The following SIK3 variants were observed in gnomAD, a reference collection of about 807,000 sequenced individuals.
SIK3 encodes the protein SIK family kinase 3.
Under a neutral mutation model 144.2 loss-of-function variants are expected in SIK3, and 28 were observed. The observed-to-expected ratio is 0.19, with a 90% CI of 0.14 to 0.27. SIK3 has a LOEUF of 0.27. Ranked by LOEUF, SIK3 falls within the 10% of genes least tolerant of loss-of-function variation. SIK3 has a pLI of 1.00. For missense variants in SIK3, 1,319 were observed against 1,776.0 expected (o/e 0.74, Z 4.62); for synonymous variants, 686 against 676.3 (o/e 1.01, Z -0.22).
intron 6 of SIK3, among the ~76,000 whole-genome samples, chr11:116,879,222 G>A (rs1275713739): frequency 1.3e-5 from 2 of 152,068 alleles, no homozygotes; most frequent in Non-Finnish European, 2.9e-5. Flanking sequence ...TAAATTTTCT[G>A]CTTCTATTTA....
chr11:116,953,050 A>G (rs1011773306), intron 3 of SIK3, among the ~76,000 whole-genome samples: 2 of 152,180 alleles, frequency 1.3e-5, no homozygotes, highest in Non-Finnish European at 2.9e-5. Flanking sequence ...TACCCTAAAG[A>G]TACTTTGACA....
intron 1 of SIK3, chr11:117,015,771 G>T (rs1268166307): frequency 1.3e-5 from 2 of 152,092 alleles, no homozygotes; most frequent in African/African-American, 4.8e-5. Context: ...GTTTCACCAT[G>T]TTGGCCAGGC....
intron 6 of SIK3, among the ~76,000 whole-genome samples, chr11:116,888,280 G>C (rs1276637128): frequency 6.6e-6 from 1 of 152,212 alleles, no homozygotes; most frequent in Non-Finnish European, 1.5e-5. Context: ...TTGTGCATAA[G>C]GAATTCTCTC....
rs1171038053 is a variant in SIK3 at position 116,977,278 on chromosome 11, G to A, written c.274-20214C>T. The stretch of plus-strand genomic sequence containing the variant: ...TTCCTTTTCATACAGACAGAGTCTC[G>A]TTATGTTGCCTGGAATGGTTTTGAA... On this transcript the variant is annotated intron_variant, in intron 1 of 24. Coordinates refer to ENST00000445177, the MANE Select transcript of SIK3 (RefSeq NM_001366686.3). Among the ~76,000 whole-genome samples the A allele has an allele frequency of 4.3e-5, 5 of 115,780 alleles. No individual in the cohort carries two copies. The South Asian group carries it at 1.1e-3, about 26-fold the overall frequency. The allele number at this position is 115,780 out of a possible 152,430, so 76.0% of individuals were successfully genotyped here. A position where few individuals can be genotyped will look rare whatever the true frequency, so the allele number is the denominator to read the frequency against.
intron 1 of SIK3, among the ~76,000 whole-genome samples, chr11:117,050,950 G>A (rs1953210247): frequency 6.6e-6 from 1 of 152,108 alleles, no homozygotes; most frequent in African/African-American, 2.4e-5. Flanking sequence ...TATGTGCCAA[G>A]TTGACTAAGC....
At position 116,846,070 on chromosome 11, in the gene SIK3, C is replaced by G. The variant is rs1184236342; in HGVS notation, c.*13+313G>C. On this transcript the variant is annotated intron_variant, in intron 24 of 24. Coordinates refer to ENST00000445177, the MANE Select transcript of SIK3 (RefSeq NM_001366686.3). This position sits in a 1 kb window ranked among gnomAD's most constrained non-coding sequence, Gnocchi z 4.1. ...GCTGACCGGAGGTCACCTGCATCCT[C>G]TGGAGCCGTAGCTCACTTCTGTCGC... 2.6e-5 allele frequency among the ~76,000 whole-genome samples: 4 copies of G among 152,226 alleles called. No individual in the cohort carries two copies. The highest frequency in any genetic ancestry group is 9.6e-5 in the African/African-American group (4 of 41,454).
intron 1 of SIK3, among the ~76,000 whole-genome samples, chr11:117,086,280 T>C (rs1955000349): frequency 6.6e-6 from 1 of 152,224 alleles, no homozygotes; most frequent in African/African-American, 2.4e-5. Flanking sequence ...TTCATATAAC[T>C]TTCTCCTTCA....
chr11:116,881,514 G>T (rs1476454617), intron 6 of SIK3, among the ~76,000 whole-genome samples: 1 of 152,108 alleles, frequency 6.6e-6, no homozygotes, highest in Admixed American at 6.6e-5. Flanking sequence ...GCCAGTGTGA[G>T]TCCGTATCTG....
intron 7 of SIK3, 25 bp downstream of exon 7, chr11:116,876,899 C>T (rs373857829): frequency 1.9e-6 from 3 of 1,587,016 alleles, no homozygotes; most frequent in African/African-American, 2.7e-5. Context: ...AGAGGAGTCC[C>T]CTGCAGCAGC....
intron 1 of SIK3, among the ~76,000 whole-genome samples, chr11:117,024,437 C>A (rs913555569): frequency 2.6e-5 from 4 of 151,902 alleles, no homozygotes; most frequent in African/African-American, 9.7e-5. Flanking sequence ...GCCACCTTAG[C>A]AAAGAAGAAT....
chr11:117,021,792 T>TA (rs1162693368), intron 1 of SIK3, among the ~76,000 whole-genome samples: 9 of 151,178 alleles, frequency 6.0e-5, no homozygotes, highest in Non-Finnish European at 8.8e-5. Flanking sequence ...ACGTCATCTC[T>TA]AAAAAAACAG....
chr11:116,999,746 T>G (rs980071141), intron 1 of SIK3, among the ~76,000 whole-genome samples: 1 of 152,174 alleles, frequency 6.6e-6, no homozygotes, highest in African/African-American at 2.4e-5. Context: ...GTTTTCTCCC[T>G]CTTCTAAACA....
Position 117,033,707 on chromosome 11 carries a change from C to T in SIK3, c.273+64436G>A, listed in dbSNP as rs187206266. 3.8e-3 allele frequency among the ~76,000 whole-genome samples: 286 copies of T among 75,150 alleles called. 4 individuals carry two copies. The highest frequency in any genetic ancestry group is 4.9e-4 in the Non-Finnish European group (22 of 45,288). 49.3% of individuals were successfully genotyped at this position (75,150 alleles called of 152,430 possible). A position where few individuals can be genotyped will look rare whatever the true frequency, so the allele number is the denominator to read the frequency against. Reference sequence around the variant, plus strand: ...CTGGGGGGAAAGAGCGAGACTCCGTCTAAAAAAAAAAAAAAAAGAAAGAAA... The same window carrying T: ...CTGGGGGGAAAGAGCGAGACTCCGTTTAAAAAAAAAAAAAAAAGAAAGAAA... On this transcript the variant is annotated intron_variant, in intron 1 of 24. Coordinates refer to ENST00000445177, the MANE Select transcript of SIK3 (RefSeq NM_001366686.3).
intron 3 of SIK3, among the ~76,000 whole-genome samples, chr11:116,945,469 C>T (rs2135314613): frequency 6.7e-6 from 1 of 148,786 alleles, no homozygotes; most frequent in African/African-American, 2.5e-5. Flanking sequence ...CAGTGATCTG[C>T]CTGCCTGGGC....
chr11:116,946,267 T>C (rs1948582476), intron 3 of SIK3, among the ~76,000 whole-genome samples: 1 of 152,134 alleles, frequency 6.6e-6, no homozygotes, highest in Non-Finnish European at 1.5e-5. Flanking sequence ...GGGTCTGAGA[T>C]CTCACCATTT....
At chr11:116,932,334 G>A (rs528829563) in intron 3 of SIK3, among the ~76,000 whole-genome samples, 1 of 152,248 alleles carries the variant, frequency 6.6e-6, no homozygotes, top group Non-Finnish European at 1.5e-5. Flanking sequence ...GAGAGGTCCC[G>A]TGTACCCTTC....
Position 116,859,435 on chromosome 11 carries a change from C to G in SIK3, c.2595G>C (p.Met865Ile), listed in dbSNP as rs1386473796. ...VTIQVQEPVD[M>I]LSNMPGTAAG... ...CAGCTGTGCCTGGCATGTTGCTGAG[C>G]ATGTCAACAGGCTCTTGGACTTGGA... The change falls in exon 20 of 25, where the codon ATG becomes ATC. Residue 865 changes from methionine to isoleucine, a missense_variant. Met to Ile is a conservative substitution (Grantham distance 10). Coordinates refer to ENST00000445177, the MANE Select transcript of SIK3 (RefSeq NM_001366686.3). The G allele has an allele frequency of 6.2e-7, 1 of 1,614,112 alleles. No individual in the cohort carries two copies.
intron 1 of SIK3, among the ~76,000 whole-genome samples, chr11:117,070,775 G>C (rs1434542950): frequency 8.5e-6 from 1 of 117,536 alleles, no homozygotes; most frequent in South Asian, 2.5e-4. Context: ...TTTTTGTGAC[G>C]AAGTTTCACT....
chr11:116,898,409 A>T (rs1264915071), intron 4 of SIK3, among the ~76,000 whole-genome samples: 10 of 151,598 alleles, frequency 6.6e-5, no homozygotes, highest in African/African-American at 1.9e-4. Flanking sequence ...AGTCTTTGCT[A>T]TTGTGAATAG....
Sources: gnomAD v4.1 joint callset for allele counts (sites outside exome capture counted in the v4.1 genomes callset) on GRCh38, gnomAD v4.1.1 for gene constraint, Gnocchi (gnomAD v3.1) non-coding constraint, MANE v1.5 for transcripts, NCBI Gene and HGNC (gene_info 2026-07-23, HGNC 2026-07-21) for gene names.